The following MICAL1 variants were observed in gnomAD, a reference collection of about 807,000 sequenced individuals.
The protein encoded by MICAL1 is microtubule associated monooxygenase, calponin and LIM domain containing 1.
MICAL1 carries 95 observed loss-of-function variants against 131.8 expected under a neutral mutation model. The observed-to-expected ratio is 0.72, with a 90% CI of 0.61 to 0.86. The LOEUF is 0.86. Ranked by LOEUF, MICAL1 falls within the 40% of genes least tolerant of loss-of-function variation. MICAL1 has a pLI of 0.00. For synonymous variants in MICAL1, 546 were observed against 554.2 expected (o/e 0.99, Z 0.21); for missense variants, 1,292 against 1,380.6 (o/e 0.94, Z 1.02).
At chr6:109,460,316 T>A (rs1775852961), upstream of MICAL1, among the ~76,000 whole-genome samples, 2 of 149,194 alleles carry the variant, frequency 1.3e-5, no homozygotes, top group South Asian at 4.2e-4. Context: ...ATTAGCTGAG[T>A]GTGGTGGTGG....
upstream of MICAL1, among the ~76,000 whole-genome samples, chr6:109,460,372 T>C (rs148449129): frequency 6.0e-3 from 878 of 145,648 alleles, 4 homozygotes; most frequent in Non-Finnish European, 8.2e-3. Context: ...GAGGCTGTAG[T>C]GAGCCATGAT....
Position 109,448,716 on chromosome 6 carries a change from T to C in MICAL1, c.1664+16A>G. On this transcript the variant is annotated intron_variant, in intron 12 of 24. Coordinates refer to ENST00000358807, the MANE Select transcript of MICAL1 (RefSeq NM_022765.4). ...ACTGAGATCATGAGAGAGAGGTGGG[T>C]CTGCCAGGGACTCACAGCAGGCCAG... The C allele has an allele frequency of 1.2e-6, 2 of 1,613,226 alleles. No homozygotes were observed. The highest frequency in any genetic ancestry group is 2.2e-5 in the East Asian group (1 of 44,844).
intron 11 of MICAL1, 153 bp from the exon 12 acceptor site, chr6:109,449,032 T>G: frequency 1.0e-6 from 1 of 963,956 alleles, no homozygotes; most frequent in Non-Finnish European, 1.5e-6. Context: ...TATCAGCAGC[T>G]CTCCATCCCA....
chr6:109,448,664 G>A, intron 12 of MICAL1, 68 bp downstream of exon 12: 1 of 1,588,976 alleles, frequency 6.3e-7, no homozygotes, highest in Non-Finnish European at 8.6e-7. Context: ...CTGTCTCTAG[G>A]ATTCAACTGG....
chr6:109,449,558 G>C (rs1478007268), intron 10 of MICAL1, 77 bp from the exon 11 acceptor site: 1 of 1,606,382 alleles, frequency 6.2e-7, no homozygotes, highest in African/African-American at 1.3e-5. Context: ...CCTGCCGGGG[G>C]TAGGATTGAC....
Position 109,444,918 on chromosome 6 carries a change from C to T in MICAL1, c.2959G>A (p.Glu987Lys). 6.2e-7 allele frequency: 1 copy of T among 1,614,198 alleles called. No homozygotes were observed. Among genetic ancestry groups the T allele is most frequent in the Non-Finnish European group, 8.5e-7 (1 of 1,180,038 alleles). The change falls in exon 23 of 25, where the codon GAG (glutamate) becomes AAG (lysine). Residue 987 changes from glutamate (E) to lysine (K), a missense_variant. By Grantham distance (56) the Glu-to-Lys change is moderately conservative (BLOSUM62 1). Transcript: ENST00000358807. ...LVDKKNSLVA[E>K]EAELMITVQE... ...TACGTGATCATGAGCTCGGCCTCCT[C>T]AGCCACCAGGCTGTTTTTCTTGTCA... is the stretch of plus-strand genomic sequence containing the variant.
rs989929012 is a variant in MICAL1, at chr6:109,448,287, C to T, written c.1771G>A (p.Val591Met). Residue 591 changes from valine (V) to methionine (M), a missense_variant, in exon 13 of 25, where the codon GTG becomes ATG. Physicochemically the swap from Val to Met is conservative, Grantham distance 21. Transcript: ENST00000358807. ...CCCAGTGGGTCACTCCCTGCTACCACGGCCTGTGCAGACACCACCGGTGTG... is the reference window on the plus strand; with the variant it reads ...CCCAGTGGGTCACTCCCTGCTACCATGGCCTGTGCAGACACCACCGGTGTG... ...GITPVVSAQA[V>M]VAGSDPLGLI... The T allele has an allele frequency of 9.3e-6, 15 of 1,613,896 alleles. No individual in the cohort carries two copies. Among genetic ancestry groups the T allele is most frequent in the African/African-American group, 2.7e-5 (2 of 74,920 alleles).
At chr6:109,460,456 G>A (rs1435183835), upstream of MICAL1, among the ~76,000 whole-genome samples, 3 of 147,156 alleles carry the variant, frequency 2.0e-5, no homozygotes, top group South Asian at 6.4e-4. Flanking sequence ...AAATGTAATC[G>A]AATGAGCTTT....
chr6:109,448,276 C>G lies in MICAL1; in HGVS notation c.1782G>C (p.Gly594=), dbSNP rs143173145. The G allele has an allele frequency of 1.4e-4, 224 of 1,613,950 alleles. No individual in the cohort carries two copies. In the African/African-American group the frequency reaches 2.8e-3, roughly 20 times the overall value. The change falls in exon 13 of 25, where the codon GGG becomes GGC. Residue 594 remains glycine (G), a synonymous_variant. Coordinates refer to ENST00000358807, the MANE Select transcript of MICAL1 (RefSeq NM_022765.4). The part of the protein sequence containing the change: ...PVVSAQAVVA[G]SDPLGLIAYL... ...AGGCAATGAGGCCCAGTGGGTCACT[C>G]CCTGCTACCACGGCCTGTGCAGACA...
intron 20 of MICAL1, 87 bp downstream of exon 20, chr6:109,445,683 AT>A: frequency 6.5e-7 from 1 of 1,530,332 alleles, no homozygotes; most frequent in East Asian, 2.3e-5. Flanking sequence ...GTGAGAAGAC[AT>A]TCCAAGAGAA....
chr6:109,453,461 G>C, intron 3 of MICAL1, 94 bp from the exon 4 acceptor site: 1 of 1,519,326 alleles, frequency 6.6e-7, no homozygotes, highest in Non-Finnish European at 8.9e-7. Flanking sequence ...ACTGGAAAAG[G>C]CCTTAGCAAT....
rs753072145 is a variant in MICAL1, at chr6:109,449,999, G to A, written c.1278C>T (p.Gly426=). Residue 426 remains glycine (G), a synonymous_variant, in exon 9 of 25, where the codon GGC becomes GGT. Coordinates refer to ENST00000358807, the MANE Select transcript of MICAL1 (RefSeq NM_022765.4). ...CAGCCAACACCTCTAGGGACTCAGC[G>A]CCCTCTGCCCACCGCTTCACCATCC... The part of the protein sequence containing the change: ...AAWMVKRWAE[G]AESLEVLAER... 2.6e-5 allele frequency: 42 copies of A among 1,613,830 alleles called. No homozygotes were observed. Among genetic ancestry groups the A allele is most frequent in the Admixed American group, 5.0e-5 (3 of 59,984 alleles).
chr6:109,448,454 GAAGGGCAGCAGGAGGGGAGGGA>G, intron 12 of MICAL1, 61 bp from the exon 13 acceptor site: 1 of 1,580,890 alleles, frequency 6.3e-7, no homozygotes, highest in Non-Finnish European at 8.6e-7. Flanking sequence ...CTGAGGGGAG[GAAGGGCAGCAGGAGGGGAGGGA>G]CAGCAAGCAG....
chr6:109,460,441 A>AG (rs1182833023), upstream of MICAL1, among the ~76,000 whole-genome samples: 3 of 151,436 alleles, frequency 2.0e-5, no homozygotes, highest in African/African-American at 4.8e-5. Flanking sequence ...AAAAAAAAAA[A>AG]AAAGAAATGT....
rs1210548198 is a variant in MICAL1, at chr6:109,450,384, C to T, written c.1107G>A (p.Met369Ile). 6.2e-7 allele frequency: 1 copy of T among 1,613,470 alleles called. No individual in the cohort carries two copies. Among genetic ancestry groups the T allele is most frequent in the Non-Finnish European group, 8.5e-7 (1 of 1,179,822 alleles). The part of the protein sequence containing the change: ...PDVSAFDFTS[M>I]MRAESSARVQ... ...CACGAGCAGAACTCTCTGCCCGCAT[C>T]ATGCTCGTGAAGTCAAAGGCAGAGA... Residue 369 changes from methionine to isoleucine, a missense_variant, in exon 8 of 25, where the codon ATG (methionine) becomes ATA (isoleucine). Transcript: ENST00000358807.
rs543237073 is a variant in MICAL1, at chr6:109,450,252, A to T, written c.1191+48T>A. ...TTTTATCCCCTCCTCCATACTAGGC[A>T]GCTCCCTCCCCTAACCATGAAACCC... is the stretch of plus-strand genomic sequence containing the variant. On this transcript the variant is annotated intron_variant, in intron 8 of 24. Transcript: ENST00000358807. 1.9e-5 allele frequency: 30 copies of T among 1,584,534 alleles called. No homozygotes were observed. The South Asian group carries it at 2.8e-4, about 15-fold the overall frequency.
chr6:109,444,203 C>G lies in MICAL1; in HGVS notation c.3192G>C (p.Gly1064=). 6.2e-7 allele frequency: 1 copy of G among 1,613,034 alleles called. No individual in the cohort carries two copies. The highest frequency in any genetic ancestry group is 8.5e-7 in the Non-Finnish European group (1 of 1,179,944). The part of the protein sequence containing the change: ...RRLSELALGT[G]AQG ...GGCCCACCCTCGTCTAGCCCTGGGC[C>G]CCTGTCCCCAAGGCCAGCTCGCTGA... The change falls in exon 25 of 25, where the codon GGG becomes GGC. Residue 1064 remains glycine, a synonymous_variant. Coordinates refer to ENST00000358807, the MANE Select transcript of MICAL1 (RefSeq NM_022765.4).
At position 109,455,103 on chromosome 6, in the gene MICAL1, G is replaced by A. The variant is rs1490077136; in HGVS notation, c.-44+616C>T. On this transcript the variant is annotated intron_variant, in intron 1 of 24. Transcript: ENST00000358807. The surrounding 1 kb of genome is among the most constrained non-coding windows in gnomAD (Gnocchi z 4.7). ...TCTCCCAGGAATCTCCGGAGACAAA[G>A]CCTCGCTTTGTCGCCCCCTCCCACG... Among the ~76,000 whole-genome samples the A allele has an allele frequency of 2.7e-5, 4 of 147,826 alleles. No homozygotes were observed. Among genetic ancestry groups the A allele is most frequent in the Non-Finnish European group, 6.0e-5 (4 of 67,066 alleles).
upstream of MICAL1, among the ~76,000 whole-genome samples, chr6:109,460,613 C>T (rs1775863086): frequency 6.6e-6 from 1 of 151,692 alleles, no homozygotes; most frequent in African/African-American, 2.4e-5. Flanking sequence ...GCAGGATAAA[C>T]TATCACAACA....
Sources: allele counts gnomAD v4.1 joint callset (sites outside exome capture counted in the v4.1 genomes callset), GRCh38; gene constraint gnomAD v4.1.1; non-coding constraint Gnocchi (gnomAD v3.1); transcripts MANE v1.5; gene names NCBI Gene and HGNC (gene_info 2026-07-23, HGNC 2026-07-21).